USP31: variants seen among roughly 807,000 people sequenced by gnomAD.
USP31 encodes ubiquitin carboxyl-terminal hydrolase 31.
USP31 carries 44 observed loss-of-function variants against 119.4 expected under a neutral mutation model. The ratio of observed to expected loss-of-function variants is 0.37; its 90% CI spans 0.29 to 0.47. The LOEUF is 0.47. Among genes scored for constraint, USP31 ranks in the 20% least tolerant of loss-of-function variants. USP31 has a pLI of 0.99. For synonymous variants in USP31, 749 were observed against 705.6 expected (o/e 1.06, Z -0.97); for missense variants, 1,643 against 1,730.2 (o/e 0.95, Z 0.89).
intron 7 of USP31, among the ~76,000 whole-genome samples, chr16:23,088,096 AG>A (rs1567231270): frequency 6.6e-6 from 1 of 152,206 alleles, no homozygotes; most frequent in Non-Finnish European, 1.5e-5. Context: ...GCAACGGGGC[AG>A]GATCAGTGAA....
Position 23,149,311 on chromosome 16 carries a change from G to A in USP31, c.-41C>T. The A allele has an allele frequency of 1.9e-6, 2 of 1,026,808 alleles. No homozygotes were observed. The highest frequency in any genetic ancestry group is 2.3e-6 in the Non-Finnish European group (2 of 858,670). The allele number at this position is 1,026,808 out of a possible 1,614,324, so 63.6% of individuals were successfully genotyped here. On this transcript the variant is annotated 5_prime_UTR_variant, in exon 1 of 16. Transcript: ENST00000219689. Reference sequence around the variant, plus strand: ...CACTCATCACCGCGCCCGCCCGCCCGGCCCGCGGCCCCGCCACGGCCGCCG... The same window carrying A: ...CACTCATCACCGCGCCCGCCCGCCCAGCCCGCGGCCCCGCCACGGCCGCCG...
At position 23,082,571 on chromosome 16, in the gene USP31, C is replaced by T. The variant is rs770934689; in HGVS notation, c.1831-14G>A. On this transcript the variant is annotated splice_polypyrimidine_tract_variant and intron_variant, in intron 11 of 15. Coordinates refer to ENST00000219689, the MANE Select transcript of USP31 (RefSeq NM_020718.4). ...ATCGGGGGCAAGCTGAAAACAGAAG[C>T]ATGACTCCCGTTAAGTGCCACTTAA... 6.2e-7 allele frequency: 1 copy of T among 1,613,800 alleles called. No individual in the cohort carries two copies. Among genetic ancestry groups the T allele is most frequent in the East Asian group, 2.2e-5 (1 of 44,874 alleles).
chr16:23,087,207 G>T, intron 8 of USP31, 21 bp from the exon 9 acceptor site: 1 of 1,602,010 alleles, frequency 6.2e-7, no homozygotes, highest in South Asian at 1.1e-5. Flanking sequence ...TGTTAGATGA[G>T]AATTAAGCCA....
At chr16:23,142,254 A>T (rs992607276) in intron 1 of USP31, among the ~76,000 whole-genome samples, 1 of 152,190 alleles carries the variant, frequency 6.6e-6, no homozygotes, top group African/African-American at 2.4e-5. Flanking sequence ...CATCAGCTCA[A>T]AGCTTACTGG....
chr16:23,148,771 T>TCGGGCC lies in USP31; in HGVS notation c.494_499dup (p.Pro166_Glu167insGlyPro), dbSNP rs774563217. The TCGGGCC allele has an allele frequency of 7.5e-5, 115 of 1,529,374 alleles. No individual in the cohort carries two copies. Among genetic ancestry groups the TCGGGCC allele is most frequent in the Non-Finnish European group, 9.8e-5 (112 of 1,143,742 alleles). 94.7% of individuals were successfully genotyped at this position (1,529,374 alleles called of 1,614,324 possible). A position where few individuals can be genotyped will look rare whatever the true frequency, so the allele number is the denominator to read the frequency against. On this transcript the variant is annotated inframe_insertion, in exon 1 of 16. Coordinates refer to ENST00000219689, the MANE Select transcript of USP31 (RefSeq NM_020718.4). The stretch of plus-strand genomic sequence containing the variant: ...AGGCTGCTCCGGGTCAGGCGAGGGC[T>TCGGGCC]CGGGCCGCCCCGCCCGGTACTGGCC...
At chr16:23,098,272 C>T (rs565695699) in intron 6 of USP31, among the ~76,000 whole-genome samples, 3 of 152,034 alleles carry the variant, frequency 2.0e-5, no homozygotes, top group African/African-American at 7.2e-5. Context: ...ACAAGGGATG[C>T]AAAGGACGTC....
chr16:23,072,389 G>A, intron 14 of USP31, 192 bp from the exon 15 acceptor site: 1 of 718,538 alleles, frequency 1.4e-6, no homozygotes, highest in Non-Finnish European at 2.3e-6. Flanking sequence ...ATGAAAAGAT[G>A]TAAGGCAGAC....
At chr16:23,111,478 C>A (rs990294472) in intron 1 of USP31, among the ~76,000 whole-genome samples, 2 of 152,164 alleles carry the variant, frequency 1.3e-5, no homozygotes, top group Non-Finnish European at 2.9e-5. Context: ...ATGAGTCCCC[C>A]CTTTCGAATC....
At chr16:23,117,760 T>TTTTTTTTTTG (rs1555468289) in intron 1 of USP31, among the ~76,000 whole-genome samples, 4 of 145,006 alleles carry the variant, frequency 2.8e-5, no homozygotes, top group Non-Finnish European at 6.1e-5. Context: ...TCTTTTTTTT[T>TTTTTTTTTTG]TTGTTGTTGT....
chr16:23,102,252 C>T, intron 6 of USP31, 67 bp downstream of exon 6: 6 of 1,520,804 alleles, frequency 3.9e-6, no homozygotes, highest in Non-Finnish European at 5.3e-6. Flanking sequence ...TAATAGACAA[C>T]TAAAAAGGTA....
intron 1 of USP31, among the ~76,000 whole-genome samples, chr16:23,111,992 T>C (rs1902333257): frequency 6.6e-6 from 1 of 152,140 alleles, no homozygotes; most frequent in Non-Finnish European, 1.5e-5. Flanking sequence ...AAATATTCAT[T>C]TATAGATCTT....
In USP31 at chr16:23,087,944, G is replaced by A. The variant is rs188768228; in HGVS notation, c.1416-109C>T. ...CGGAATCACAATATAATTGGCTTTA[G>A]GACAGTTCTCAAAATAAAAGAAACA... On this transcript the variant is annotated intron_variant, in intron 7 of 15. Transcript: ENST00000219689. The A allele has an allele frequency of 1.1e-5, 10 of 880,012 alleles. No individual in the cohort carries two copies. The Admixed American group carries it at 1.8e-4, about 16-fold the overall frequency. 54.5% of individuals were successfully genotyped at this position (880,012 alleles called of 1,614,324 possible).
intron 13 of USP31, 40 bp from the exon 14 acceptor site, chr16:23,073,920 CA>C (rs770520221): frequency 5.0e-6 from 8 of 1,612,770 alleles, no homozygotes; most frequent in Middle Eastern, 1.6e-4. Context: ...GGGGAGGCTG[CA>C]CCAGCCACTT....
intron 13 of USP31, among the ~76,000 whole-genome samples, chr16:23,075,543 C>T (rs548010378): frequency 2.0e-5 from 3 of 152,124 alleles, no homozygotes; most frequent in Non-Finnish European, 4.4e-5. Context: ...CGAGCCCACA[C>T]GAGAGAAGCA....
chr16:23,108,603 G>A (rs1902202106), intron 1 of USP31, among the ~76,000 whole-genome samples: 1 of 152,040 alleles, frequency 6.6e-6, no homozygotes, highest in Admixed American at 6.6e-5. Context: ...TACTATATAA[G>A]TGAAAAAAGG....
At chr16:23,081,779 C>T (rs1567228724) in intron 12 of USP31, among the ~76,000 whole-genome samples, 3 of 152,340 alleles carry the variant, frequency 2.0e-5, no homozygotes, top group East Asian at 1.9e-4. Context: ...CCCAGCCTCT[C>T]GTGCAGGCTG....
chr16:23,069,716 T>G, intron 15 of USP31, 100 bp from the exon 16 acceptor site: 1 of 1,442,912 alleles, frequency 6.9e-7, no homozygotes, highest in Non-Finnish European at 9.2e-7. Context: ...CCTCATGGGA[T>G]GAAAGGAGCA....
chr16:23,129,282 T>C (rs774710926), intron 1 of USP31, among the ~76,000 whole-genome samples: 5 of 152,210 alleles, frequency 3.3e-5, no homozygotes, highest in Admixed American at 6.5e-5. Context: ...CATTGAAATT[T>C]TGGAAACTTA....
At chr16:23,071,472 G>GA (rs59039583) in intron 15 of USP31, among the ~76,000 whole-genome samples, 116 of 135,924 alleles carry the variant, frequency 8.5e-4, no homozygotes, top group East Asian at 3.6e-3. Flanking sequence ...AGTTTAAAAA[G>GA]AAAAAAAAAA....
Sources: allele counts gnomAD v4.1 joint callset (sites outside exome capture counted in the v4.1 genomes callset), GRCh38; gene constraint gnomAD v4.1.1; transcripts MANE v1.5; gene names NCBI Gene and HGNC (gene_info 2026-07-23, HGNC 2026-07-21).